SYT7: variants seen among roughly 807,000 people sequenced by gnomAD.
The protein encoded by SYT7 is synaptotagmin-7.
A neutral mutation model predicts 75.1 loss-of-function variants in SYT7; 29 were observed. The ratio of observed to expected loss-of-function variants is 0.39; its 90% CI spans 0.29 to 0.53. The LOEUF (loss-of-function observed/expected upper bound fraction) is 0.53, where lower values mean the gene tolerates loss of function less well. Ranked by LOEUF, SYT7 falls within the 20% of genes least tolerant of loss-of-function variation. The probability of loss-of-function intolerance (pLI) is 0.77; values close to 1 mark genes in which losing one functional copy is unlikely to be tolerated. For missense variants in SYT7, 693 were observed against 953.2 expected, an observed-to-expected ratio of 0.73 and a Z score of 3.59; for synonymous variants, 376 against 401.7, an observed-to-expected ratio of 0.94 and a Z score of 0.76.
At chr11:61,558,743 T>A (rs1266790773) in intron 1 of SYT7, among the ~76,000 whole-genome samples, 1 of 152,164 alleles carries the variant, frequency 6.6e-6, no homozygotes, top group Non-Finnish European at 1.5e-5. Context: ...GAGTACCACC[T>A]CTGCCTCTTT....
chr11:61,547,830 G>A (rs984475261), intron 3 of SYT7, among the ~76,000 whole-genome samples: 2 of 152,180 alleles, frequency 1.3e-5, no homozygotes, highest in Non-Finnish European at 2.9e-5. Context: ...AAGACTGGCT[G>A]TAACTGCTAT....
intron 8 of SYT7, among the ~76,000 whole-genome samples, chr11:61,532,773 G>A (rs150007026): frequency 1.9e-3 from 294 of 152,288 alleles, no homozygotes; most frequent in African/African-American, 6.9e-3. Flanking sequence ...AAGATATTTT[G>A]GTGAAAGAGC....
intron 1 of SYT7, 95 bp from the exon 2 acceptor site, chr11:61,556,302 T>C: frequency 2.1e-6 from 2 of 962,780 alleles, no homozygotes; most frequent in Non-Finnish European, 1.5e-6. Context: ...CTACCCTCCA[T>C]CTGGCCCCTT....
chr11:61,538,276 G>T lies in SYT7; in HGVS notation c.942-10C>A, dbSNP rs1306838308. The T allele has an allele frequency of 1.3e-6, 2 of 1,527,406 alleles. No individual in the cohort carries two copies. Among genetic ancestry groups the T allele is most frequent in the East Asian group, 2.5e-5 (1 of 40,498 alleles). The allele number at this position is 1,527,406 out of a possible 1,614,324, so 94.6% of individuals were successfully genotyped here. ...CACCATCCGGCCTTCCCTGCCCGGG[G>T]AGGGCAGCCCACAGGCCAGGGTGAA... On this transcript the variant is annotated splice_polypyrimidine_tract_variant and intron_variant, in intron 6 of 12. Transcript: ENST00000539008.
At position 61,523,998 on chromosome 11, in the gene SYT7, G is replaced by T; in HGVS notation, c.1642-57C>A. ...CTAGGCTAGCAGAGCTCTCTGATTG[G>T]CCTAGCTGCCCCCAGGTCCCCTCTA... On this transcript the variant is annotated intron_variant, in intron 10 of 12. Coordinates refer to ENST00000539008, the MANE Select transcript of SYT7 (RefSeq NM_001365809.2). The surrounding 1 kb of genome is among the most constrained non-coding windows in gnomAD (Gnocchi z 5.0). 6.6e-7 allele frequency: 1 copy of T among 1,518,588 alleles called. No homozygotes were observed. Among genetic ancestry groups the T allele is most frequent in the Non-Finnish European group, 9.1e-7 (1 of 1,095,332 alleles). 94.1% of individuals were successfully genotyped at this position (1,518,588 alleles called of 1,614,324 possible).
intron 1 of SYT7, among the ~76,000 whole-genome samples, chr11:61,575,525 A>G (rs1001094263): frequency 6.6e-5 from 10 of 152,166 alleles, no homozygotes; most frequent in African/African-American, 1.9e-4. Context: ...TATCTTACAC[A>G]TGAAAGCTCC....
At chr11:61,575,862 A>G (rs1372379675) in intron 1 of SYT7, among the ~76,000 whole-genome samples, 1 of 152,166 alleles carries the variant, frequency 6.6e-6, no homozygotes, top group Non-Finnish European at 1.5e-5. Flanking sequence ...AGGTACACAT[A>G]CAGACAGTGC....
At chr11:61,564,583 G>A (rs935526346) in intron 1 of SYT7, among the ~76,000 whole-genome samples, 1 of 152,208 alleles carries the variant, frequency 6.6e-6, no homozygotes, top group Non-Finnish European at 1.5e-5. Context: ...TAGACTGGAG[G>A]TCTATAAGAC....
chr11:61,562,838 G>A lies in SYT7; in HGVS notation c.32-6631C>T, dbSNP rs142674528. Among the ~76,000 whole-genome samples the A allele has an allele frequency of 2.2e-3, 331 of 152,118 alleles. 1 individual carries two copies. Among genetic ancestry groups the A allele is most frequent in the African/African-American group, 7.4e-3 (308 of 41,418 alleles). On this transcript the variant is annotated intron_variant, in intron 1 of 12. Transcript: ENST00000539008. ...CGGTCCCTTACCAGGGCTCAGCCCC[G>A]ACTCCCAACTCCTTCTCATCTCCTC...
rs1464714325 is a variant in SYT7, at chr11:61,553,070, C to G, written c.136-1607G>C. ...CCCGCCCACCCTGGAGTCTGGGCCC[C>G]CAGCAGCGACCTCTAAGTCAGAACT... On this transcript the variant is annotated intron_variant, in intron 2 of 12. Coordinates refer to ENST00000539008, the MANE Select transcript of SYT7 (RefSeq NM_001365809.2). The surrounding 1 kb of genome is among the most constrained non-coding windows in gnomAD (Gnocchi z 5.2). Among the ~76,000 whole-genome samples, 1 of 152,106 alleles carries G rather than the reference C, an allele frequency of 6.6e-6. No individual in the cohort carries two copies. The highest frequency in any genetic ancestry group is 2.4e-5 in the African/African-American group (1 of 41,404).
At chr11:61,554,228 A>G (rs2063428904) in intron 2 of SYT7, among the ~76,000 whole-genome samples, 1 of 152,020 alleles carries the variant, frequency 6.6e-6, no homozygotes, top group Non-Finnish European at 1.5e-5. Context: ...CTGGAGGTGC[A>G]TGGGGGTGGG....
chr11:61,557,377 C>A (rs748627098), intron 1 of SYT7, among the ~76,000 whole-genome samples: 1 of 152,172 alleles, frequency 6.6e-6, no homozygotes, highest in South Asian at 2.1e-4. Context: ...CTGGTTCCTG[C>A]GGTTTTAGCT....
In SYT7 at chr11:61,580,846, G is replaced by C; in HGVS notation, c.-26C>G. On this transcript the variant is annotated 5_prime_UTR_variant, in exon 1 of 13. Transcript: ENST00000539008. This position sits in a 1 kb window ranked among gnomAD's most constrained non-coding sequence, Gnocchi z 6.1. ...GGTCCCCTCGTCGCCGGTTCCCTCC[G>C]GGCTCCTCAGAGCCGCCCGCGGCCG... 8.1e-7 allele frequency: 1 copy of C among 1,236,196 alleles called. No individual in the cohort carries two copies. The highest frequency in any genetic ancestry group is 1.0e-6 in the Non-Finnish European group (1 of 987,972). The allele number at this position is 1,236,196 out of a possible 1,614,324, so 76.6% of individuals were successfully genotyped here. A position where few individuals can be genotyped will look rare whatever the true frequency, so the allele number is the denominator to read the frequency against.
chr11:61,568,516 T>G (rs2063835254), intron 1 of SYT7, among the ~76,000 whole-genome samples: 1 of 152,188 alleles, frequency 6.6e-6, no homozygotes, highest in South Asian at 2.1e-4. Context: ...GGGAGCATCA[T>G]GCTCAGCCTC....
chr11:61,586,536 C>A, the SYT7 span, among the ~76,000 whole-genome samples: 2 of 152,330 alleles, frequency 1.3e-5, no homozygotes, highest in African/African-American at 4.8e-5. Context: ...GTTTTTTAAT[C>A]TTGACTGGGT....
rs2062419691 is a variant in SYT7, at chr11:61,523,692, G to A, written c.1756+135C>T. On this transcript the variant is annotated intron_variant, in intron 11 of 12. Transcript: ENST00000539008. The surrounding 1 kb of genome is among the most constrained non-coding windows in gnomAD (Gnocchi z 5.0). Reference sequence around the variant, plus strand: ...GGGGCCCCAGGGTCTCTAGGGTAAGGAGTGAGGACTGGAGGTCGGGGTGTG... The same window carrying A: ...GGGGCCCCAGGGTCTCTAGGGTAAGAAGTGAGGACTGGAGGTCGGGGTGTG... The A allele has an allele frequency of 2.2e-6, 2 of 912,650 alleles. No individual in the cohort carries two copies. The highest frequency in any genetic ancestry group is 1.5e-5 in the South Asian group (1 of 66,044). 56.5% of individuals were successfully genotyped at this position (912,650 alleles called of 1,614,324 possible).
At position 61,542,154 on chromosome 11, in the gene SYT7, G is replaced by T; in HGVS notation, c.941+57C>A. On this transcript the variant is annotated intron_variant, in intron 6 of 12. Coordinates refer to ENST00000539008, the MANE Select transcript of SYT7 (RefSeq NM_001365809.2). This position sits in a 1 kb window ranked among gnomAD's most constrained non-coding sequence, Gnocchi z 7.8. ...ACCAGCTGCTCCCAAGGAGATCTGG[G>T]GGGCAGGAGGCTGGGTCAGGGAGGT... 4 of 1,502,668 alleles carry T rather than the reference G, an allele frequency of 2.7e-6. No individual in the cohort carries two copies. Among genetic ancestry groups the T allele is most frequent in the South Asian group, 1.3e-5 (1 of 79,296 alleles). 93.1% of individuals were successfully genotyped at this position (1,502,668 alleles called of 1,614,324 possible). A position where few individuals can be genotyped will look rare whatever the true frequency, so the allele number is the denominator to read the frequency against.
chr11:61,532,078 TG>T (rs1280820444), intron 8 of SYT7, among the ~76,000 whole-genome samples: 5 of 150,964 alleles, frequency 3.3e-5, no homozygotes, highest in Non-Finnish European at 7.4e-5. Flanking sequence ...GGCAGAAGGG[TG>T]GGGGCTCTGG....
In SYT7 at chr11:61,523,676, G is replaced by A; in HGVS notation, c.1756+151C>T. ...GAGGGTGCTCCAAAGGGGGGCCCCAGGGTCTCTAGGGTAAGGAGTGAGGAC... is the reference window on the plus strand; with the variant it reads ...GAGGGTGCTCCAAAGGGGGGCCCCAAGGTCTCTAGGGTAAGGAGTGAGGAC... On this transcript the variant is annotated intron_variant, in intron 11 of 12. Coordinates refer to ENST00000539008, the MANE Select transcript of SYT7 (RefSeq NM_001365809.2). The surrounding 1 kb of genome is among the most constrained non-coding windows in gnomAD (Gnocchi z 5.0). 1.2e-6 allele frequency: 1 copy of A among 808,652 alleles called. No homozygotes were observed. The highest frequency in any genetic ancestry group is 1.7e-5 in the African/African-American group (1 of 58,386). The allele number at this position is 808,652 out of a possible 1,614,324, so 50.1% of individuals were successfully genotyped here. A position where few individuals can be genotyped will look rare whatever the true frequency, so the allele number is the denominator to read the frequency against.
Sources: allele counts gnomAD v4.1 joint callset (sites outside exome capture counted in the v4.1 genomes callset), GRCh38; gene constraint gnomAD v4.1.1; non-coding constraint Gnocchi (gnomAD v3.1); transcripts MANE v1.5; gene names NCBI Gene and HGNC (gene_info 2026-07-23, HGNC 2026-07-21).